Variants in FBXO10 observed in about 807,000 individuals in gnomAD.
The protein encoded by FBXO10 is F-box only protein 10.
A neutral mutation model predicts 80.7 loss-of-function variants in FBXO10; 39 were observed. The observed-to-expected ratio is 0.48, with a 90% confidence interval of 0.37 to 0.63. The LOEUF is 0.63. Among genes scored for constraint, FBXO10 ranks in the 30% least tolerant of loss-of-function variants. The pLI is 0.00. For synonymous variants in FBXO10, 449 were observed against 489.6 expected, an observed-to-expected ratio of 0.92 and a Z score of 1.09; for missense variants, 1,025 against 1,269.0, an observed-to-expected ratio of 0.81 and a Z score of 2.92.
At chr9:37,538,623 G>A (rs1448537959) in intron 2 of FBXO10, among the ~76,000 whole-genome samples, 4 of 150,822 alleles carry the variant, frequency 2.7e-5, no homozygotes, top group African/African-American at 9.9e-5. Flanking sequence ...AATGAGAATA[G>A]CTTGAGCCTG....
chr9:37,575,133 GT>G (rs892437367), intron 1 of FBXO10, among the ~76,000 whole-genome samples: 6 of 148,634 alleles, frequency 4.0e-5, no homozygotes, highest in African/African-American at 1.2e-4. Context: ...ACCGTACTGT[GT>G]TTTTTTTTTC....
intron 1 of FBXO10, among the ~76,000 whole-genome samples, chr9:37,553,916 C>CAAAAAAAAAAAAAA (rs71494669): frequency 4.7e-5 from 3 of 64,316 alleles, no homozygotes; most frequent in Non-Finnish European, 2.8e-5. Context: ...AAGTCTGCCT[C>CAAAAAAAAAAAAAA]AAAAAAAAAA....
In FBXO10 at chr9:37,537,805, C is replaced by G; in HGVS notation, c.724G>C (p.Val242Leu). ...CCCACAAATTCACAGTTTTCCAGGA[C>G]ACACAGGGGCACGTTGTGCAGGAAG... ...HIFLHNVPLC[V>L]LENCEFVGSE... The change falls in exon 3 of 11, where the codon GTC becomes CTC. Residue 242 changes from valine (V) to leucine (L), a missense_variant. Around this residue, in one of 3 missense-constraint regions of FBXO10, gnomAD observed 450 missense variants for 499.4 expected, o/e 0.90. Coordinates refer to ENST00000432825, the MANE Select transcript of FBXO10 (RefSeq NM_012166.3). The G allele has an allele frequency of 6.2e-7, 1 of 1,614,010 alleles. No homozygotes were observed. The highest frequency in any genetic ancestry group is 1.3e-5 in the African/African-American group (1 of 75,034).
chr9:37,521,310 C>A (rs1000175726), intron 8 of FBXO10, among the ~76,000 whole-genome samples: 1 of 149,578 alleles, frequency 6.7e-6, no homozygotes, highest in Non-Finnish European at 1.5e-5. Context: ...CCCACGCTGT[C>A]TGGGAAGTGA....
intron 5 of FBXO10, 43 bp from the exon 6 acceptor site, chr9:37,525,215 A>G: frequency 6.6e-7 from 1 of 1,522,256 alleles, no homozygotes; most frequent in Non-Finnish European, 8.9e-7. Context: ...AGCCCAGGGC[A>G]TCAATGTCAT....
intron 1 of FBXO10, among the ~76,000 whole-genome samples, chr9:37,561,293 C>T (rs531285911): frequency 2.0e-5 from 3 of 151,916 alleles, no homozygotes; most frequent in Admixed American, 2.0e-4. Flanking sequence ...GATCCTCCCA[C>T]CTTAGCCTCT....
rs1821080568 is a variant in FBXO10 at position 37,512,473 on chromosome 9, C to A, written c.*74G>T. 14 of 1,528,406 alleles carry A rather than the reference C, an allele frequency of 9.2e-6. No homozygotes were observed. The highest frequency in any genetic ancestry group is 1.1e-5 in the Non-Finnish European group (12 of 1,127,556). 94.7% of individuals were successfully genotyped at this position (1,528,406 alleles called of 1,614,324 possible). A position where few individuals can be genotyped will look rare whatever the true frequency, so the allele number is the denominator to read the frequency against. ...CGAGGGGGAGGGGGAGGGGCGGAGT[C>A]TTTTCAGGCAGTATTTCCACCTTAG... On this transcript the variant is annotated 3_prime_UTR_variant, in exon 11 of 11. Coordinates refer to ENST00000432825, the MANE Select transcript of FBXO10 (RefSeq NM_012166.3).
At chr9:37,561,327 G>A (rs1264357003) in intron 1 of FBXO10, among the ~76,000 whole-genome samples, 1 of 152,092 alleles carries the variant, frequency 6.6e-6, no homozygotes, top group Non-Finnish European at 1.5e-5. Flanking sequence ...TTACAGGCGT[G>A]AGTTACCATG....
chr9:37,553,009 A>AG, intron 1 of FBXO10, among the ~76,000 whole-genome samples: 1 of 131,148 alleles, frequency 7.6e-6, no homozygotes, highest in Non-Finnish European at 1.6e-5. Flanking sequence ...TGACCAATTC[A>AG]GGTTGTGTGT....
intron 1 of FBXO10, among the ~76,000 whole-genome samples, chr9:37,570,238 C>T (rs200669233): frequency 3.3e-5 from 5 of 151,762 alleles, no homozygotes; most frequent in Non-Finnish European, 5.9e-5. Flanking sequence ...CCCTTGAACC[C>T]GGGAGGTGGA....
In FBXO10 at chr9:37,522,814, A is replaced by G; in HGVS notation, c.1930+11T>C. 6.4e-7 allele frequency: 1 copy of G among 1,551,564 alleles called. No individual in the cohort carries two copies. Among genetic ancestry groups the G allele is most frequent in the Non-Finnish European group, 8.7e-7 (1 of 1,146,906 alleles). ...CTGCCTCCCCGGCTGGGTTGGGAAC[A>G]AGCTCCTCACCGTAGATGGTATTTC... On this transcript the variant is annotated intron_variant, in intron 7 of 10. Transcript: ENST00000432825.
intron 10 of FBXO10, among the ~76,000 whole-genome samples, chr9:37,513,989 C>T (rs1453950428): frequency 6.6e-6 from 1 of 152,058 alleles, no homozygotes; most frequent in Non-Finnish European, 1.5e-5. Flanking sequence ...GCATGGAGGG[C>T]CAGGGAAAAT....
At position 37,512,861 on chromosome 9, in the gene FBXO10, G is replaced by C; in HGVS notation, c.2697-140C>G. The C allele has an allele frequency of 3.5e-6, 3 of 867,496 alleles. No individual in the cohort carries two copies. In the South Asian group the frequency reaches 5.7e-5, roughly 16 times the overall value. The allele number at this position is 867,496 out of a possible 1,614,324, so 53.7% of individuals were successfully genotyped here. A position where few individuals can be genotyped will look rare whatever the true frequency, so the allele number is the denominator to read the frequency against. On this transcript the variant is annotated intron_variant, in intron 10 of 10. Coordinates refer to ENST00000432825, the MANE Select transcript of FBXO10 (RefSeq NM_012166.3). ...GGTGTAGGTTTTATCTTCCAGTTTA[G>C]TGTTAGTCCAAAGAGGTGGGCTGTT... is the stretch of plus-strand genomic sequence containing the variant.
intron 1 of FBXO10, among the ~76,000 whole-genome samples, chr9:37,570,830 T>C (rs1287086438): frequency 1.3e-5 from 2 of 151,794 alleles, no homozygotes; most frequent in Non-Finnish European, 2.9e-5. Flanking sequence ...CCGTCTCTAC[T>C]AAAAATACAA....
chr9:37,558,629 T>C (rs908954364), intron 1 of FBXO10, among the ~76,000 whole-genome samples: 71 of 152,268 alleles, frequency 4.7e-4, no homozygotes, highest in African/African-American at 1.6e-3. Flanking sequence ...TTAATAACAG[T>C]GTTTTTAAGT....
Position 37,537,557 on chromosome 9 carries a change from AGAG to A in FBXO10, c.969_971del (p.Ser326del). 1 of 1,613,358 alleles carries A rather than the reference AGAG, an allele frequency of 6.2e-7. No individual in the cohort carries two copies. On this transcript the variant is annotated inframe_deletion, in exon 3 of 11. Coordinates refer to ENST00000432825, the MANE Select transcript of FBXO10 (RefSeq NM_012166.3). ...CCTTGGAGCCTGGCTTTGGGGAGCT[AGAG>A]GCTGGGCTGGTAGGGCTCTGGCTGC...
chr9:37,518,973 C>G (rs1373019263), intron 8 of FBXO10, among the ~76,000 whole-genome samples: 5 of 151,764 alleles, frequency 3.3e-5, no homozygotes, highest in Non-Finnish European at 7.4e-5. Context: ...GCGGTGGCGC[C>G]ATCTCGGCTC....
At chr9:37,562,236 G>A (rs552806313) in intron 1 of FBXO10, among the ~76,000 whole-genome samples, 1 of 152,370 alleles carries the variant, frequency 6.6e-6, no homozygotes, top group South Asian at 2.1e-4. Context: ...CTTGGGAGCT[G>A]TGTGGTGGGA....
intron 7 of FBXO10, 123 bp downstream of exon 7, chr9:37,522,702 A>G (rs1412450969): frequency 8.2e-7 from 1 of 1,219,610 alleles, no homozygotes; most frequent in African/African-American, 1.5e-5. Flanking sequence ...GTGGCCTGAG[A>G]GTGCCTGTTC....
Sources: allele counts gnomAD v4.1 joint callset (sites outside exome capture counted in the v4.1 genomes callset), GRCh38; gene constraint gnomAD v4.1.1; regional missense constraint gnomAD v4.1.1; transcripts MANE v1.5; gene names NCBI Gene and HGNC (gene_info 2026-07-23, HGNC 2026-07-21).